Variants in RORA observed in about 807,000 individuals in gnomAD.
The protein encoded by RORA is nuclear receptor ROR-alpha.
A neutral mutation model predicts 69.5 loss-of-function variants in RORA; 7 were observed. That is an observed-to-expected ratio of 0.10 (90% confidence interval 0.06 to 0.19). The LOEUF is 0.19. Ranked by LOEUF, RORA falls within the 10% of genes least tolerant of loss-of-function variation. RORA has a pLI of 1.00. For synonymous variants in RORA, 261 were observed against 240.8 expected (o/e 1.08, Z -0.78); for missense variants, 457 against 663.0 (o/e 0.69, Z 3.41).
intron 1 of RORA, among the ~76,000 whole-genome samples, chr15:61,118,044 T>C (rs1426802268): frequency 6.6e-6 from 1 of 152,196 alleles, no homozygotes; most frequent in Non-Finnish European, 1.5e-5. Flanking sequence ...CAAGGTACTG[T>C]GCTGGGCATT....
At chr15:61,217,996 C>T (rs1445963946) in intron 1 of RORA, among the ~76,000 whole-genome samples, 4 of 152,136 alleles carry the variant, frequency 2.6e-5, no homozygotes, top group African/African-American at 9.7e-5. Flanking sequence ...CACTGCTGGG[C>T]CATGGTCCCC....
chr15:61,137,097 A>AGAG lies in RORA; in HGVS notation c.166+91955_166+91956insCTC, dbSNP rs1567006728. Among the ~76,000 whole-genome samples the AGAG allele has an allele frequency of 1.0e-3, 152 of 150,016 alleles. 1 individual carries two copies. Among genetic ancestry groups the AGAG allele is most frequent in the African/African-American group, 3.5e-3 (139 of 39,924 alleles). On this transcript the variant is annotated intron_variant, in intron 1 of 10. Coordinates refer to ENST00000335670, the MANE Select transcript of RORA (RefSeq NM_134261.3). ...AAAGAAAGAAAGAAAGAAAGAAAGA[A>AGAG]AGAAAAAAGCAAGGGTGTCCAGGGT...
At chr15:61,171,513 A>G (rs2079584910) in intron 1 of RORA, among the ~76,000 whole-genome samples, 1 of 152,156 alleles carries the variant, frequency 6.6e-6, no homozygotes, top group South Asian at 2.1e-4. Context: ...AGGGATCCGG[A>G]AGTAAATTTA....
At position 60,914,860 on chromosome 15, in the gene RORA, G is replaced by A. The variant is rs7164163; in HGVS notation, c.167-236174C>T. ...GACCCCAGAAATATCAGAGGACACC[G>A]GGGGTCAGTGGGCCATCCAGGAAGA... On this transcript the variant is annotated intron_variant, in intron 1 of 10. Transcript: ENST00000335670. 7.1e-3 allele frequency among the ~76,000 whole-genome samples: 1,082 copies of A among 152,282 alleles called. 9 individuals are homozygous for A. The highest frequency in any genetic ancestry group is 0.025 in the African/African-American group (1,024 of 41,542).
At chr15:60,760,942 T>C (rs539736819) in intron 1 of RORA, among the ~76,000 whole-genome samples, 1 of 152,188 alleles carries the variant, frequency 6.6e-6, no homozygotes, top group East Asian at 1.9e-4. Context: ...CTTTTGTAGA[T>C]AAAAAGTGGT....
intron 2 of RORA, among the ~76,000 whole-genome samples, chr15:60,568,944 T>TAA (rs34688193): frequency 1.5e-5 from 2 of 137,496 alleles, no homozygotes; most frequent in Non-Finnish European, 3.2e-5. Flanking sequence ...GGTTTTGCGC[T>TAA]AAAAAAAAAA....
At chr15:60,644,320 G>C (rs2069997457) in intron 2 of RORA, among the ~76,000 whole-genome samples, 1 of 152,160 alleles carries the variant, frequency 6.6e-6, no homozygotes, top group South Asian at 2.1e-4. Context: ...AAGAACTCAA[G>C]CAACAAGAAC....
rs2066640794 is a variant in RORA at position 60,535,265 on chromosome 15, A to G, written c.197-3414T>C. On this transcript the variant is annotated intron_variant, in intron 2 of 10. Transcript: ENST00000335670. The stretch of plus-strand genomic sequence containing the variant: ...ATCCCAGCAAAGAGGTTTATTGTGT[A>G]GTGGAATATCTGGAGCAAGATGCGC... 2.0e-5 allele frequency among the ~76,000 whole-genome samples: 3 copies of G among 152,244 alleles called. No homozygotes were observed. In the South Asian group the frequency reaches 6.2e-4, roughly 32 times the overall value.
At chr15:60,627,026 C>T (rs1033814546) in intron 2 of RORA, among the ~76,000 whole-genome samples, 1 of 152,214 alleles carries the variant, frequency 6.6e-6, no homozygotes, top group African/African-American at 2.4e-5. Flanking sequence ...TGGTCACCTC[C>T]TGACCTTTGG....
rs61188463 is a variant in RORA, at chr15:61,175,541, T to TAAATAAAAAAAA, written c.166+53511_166+53512insTTTTTTTTATTT. ...GAGCAACATAGTGAGATCCTGTTTC[T>TAAATAAAAAAAA]AAAAAAAAAAAAAAAAAACTTGCCA... On this transcript the variant is annotated intron_variant, in intron 1 of 10. Transcript: ENST00000335670. Among the ~76,000 whole-genome samples the TAAATAAAAAAAA allele has an allele frequency of 5.5e-4, 66 of 120,198 alleles. 16 individuals are homozygous for TAAATAAAAAAAA. Among genetic ancestry groups the TAAATAAAAAAAA allele is most frequent in the Non-Finnish European group, 6.1e-4 (35 of 57,530 alleles). 78.9% of individuals were successfully genotyped at this position (120,198 alleles called of 152,430 possible).
intron 1 of RORA, among the ~76,000 whole-genome samples, chr15:61,086,687 G>GT (rs970128724): frequency 2.3e-3 from 333 of 144,884 alleles, no homozygotes; most frequent in Middle Eastern, 0.011. Flanking sequence ...TTCTAAAAAA[G>GT]TTTTTTTTTT....
At chr15:60,974,136 G>T (rs983204420) in intron 1 of RORA, among the ~76,000 whole-genome samples, 1 of 152,188 alleles carries the variant, frequency 6.6e-6, no homozygotes, top group African/African-American at 2.4e-5. Context: ...GAGGAGGAGG[G>T]ATGCCCCTGC....
intron 1 of RORA, among the ~76,000 whole-genome samples, chr15:60,985,640 A>C (rs1348574448): frequency 7.9e-6 from 1 of 126,994 alleles, no homozygotes; most frequent in Non-Finnish European, 1.5e-5. Context: ...GCTGGAGTGC[A>C]GTGGCACGAT....
At chr15:60,939,873 C>G (rs2140322006) in intron 1 of RORA, among the ~76,000 whole-genome samples, 1 of 152,294 alleles carries the variant, frequency 6.6e-6, no homozygotes, top group East Asian at 1.9e-4. Flanking sequence ...GTGCACATTT[C>G]TACAAGGCAA....
intron 1 of RORA, among the ~76,000 whole-genome samples, chr15:60,750,519 CT>C (rs2071708707): frequency 6.6e-6 from 1 of 152,202 alleles, no homozygotes; most frequent in Admixed American, 6.5e-5. Context: ...TCAACCTTGT[CT>C]GAGTCTGGTG....
chr15:60,699,116 T>C (rs550046364), intron 1 of RORA, among the ~76,000 whole-genome samples: 1 of 152,254 alleles, frequency 6.6e-6, no homozygotes, highest in African/African-American at 2.4e-5. Flanking sequence ...ATCATAGCCC[T>C]TTATGTAATT....
At chr15:61,215,864 T>C (rs2080036188) in intron 1 of RORA, among the ~76,000 whole-genome samples, 1 of 152,212 alleles carries the variant, frequency 6.6e-6, no homozygotes. Context: ...TTAGACAAAA[T>C]AGATGCTTAA....
intron 1 of RORA, among the ~76,000 whole-genome samples, chr15:60,850,426 G>A (rs1460537902): frequency 6.6e-6 from 1 of 152,082 alleles, no homozygotes. Context: ...GATGGTACCC[G>A]ATTCAAATCC....
intron 1 of RORA, among the ~76,000 whole-genome samples, chr15:61,188,033 G>T (rs1241359784): frequency 2.6e-5 from 4 of 152,086 alleles, no homozygotes; most frequent in African/African-American, 9.7e-5. Context: ...ATCCCGACAG[G>T]CTTTGAGTGA....
Sources: gnomAD v4.1 joint callset for allele counts (sites outside exome capture counted in the v4.1 genomes callset) on GRCh38, gnomAD v4.1.1 for gene constraint, MANE v1.5 for transcripts, NCBI Gene and HGNC (gene_info 2026-07-23, HGNC 2026-07-21) for gene names.